BCL6: variants seen among roughly 807,000 people sequenced by gnomAD.
The protein encoded by BCL6 is BCL6 transcription repressor.
BCL6 carries 7 observed loss-of-function variants against 59.5 expected under a neutral mutation model. The ratio of observed to expected loss-of-function variants is 0.12; its 90% CI spans 0.07 to 0.22. BCL6 has a LOEUF of 0.22. BCL6 is among the 10% of genes least tolerant of loss of function. The probability of loss-of-function intolerance (pLI) is 1.00; values close to 1 mark genes in which losing one functional copy is unlikely to be tolerated. For missense variants in BCL6, 685 were observed against 939.4 expected, an observed-to-expected ratio of 0.73 and a Z score of 3.54; for synonymous variants, 339 against 349.7, an observed-to-expected ratio of 0.97 and a Z score of 0.34.
chr3:187,724,916 G>A lies in BCL6; in HGVS notation c.1977+25C>T, dbSNP rs544868439. On this transcript the variant is annotated intron_variant, in intron 9 of 9. Coordinates refer to ENST00000406870, the MANE Select transcript of BCL6 (RefSeq NM_001706.5). ...GCCCTCCACATCCCCGCAGGTCAGAGAGCGGCCTCAAGAGGCTTACGTACA... is the reference window on the plus strand; with the variant it reads ...GCCCTCCACATCCCCGCAGGTCAGAAAGCGGCCTCAAGAGGCTTACGTACA... 4 of 1,601,550 alleles carry A rather than the reference G, an allele frequency of 2.5e-6. No individual in the cohort carries two copies. In the African/African-American group the frequency reaches 4.1e-5, roughly 16 times the overall value.
rs1205005814 is a variant in BCL6 at position 187,725,691 on chromosome 3, G to C, written c.1709-62C>G. The C allele has an allele frequency of 1.3e-6, 2 of 1,596,496 alleles. No individual in the cohort carries two copies. The highest frequency in any genetic ancestry group is 1.7e-6 in the Non-Finnish European group (2 of 1,169,370). On this transcript the variant is annotated intron_variant, in intron 7 of 9. Coordinates refer to ENST00000406870, the MANE Select transcript of BCL6 (RefSeq NM_001706.5). The surrounding 1 kb of genome is among the most constrained non-coding windows in gnomAD (Gnocchi z 4.7). The stretch of plus-strand genomic sequence containing the variant: ...TCAATAAGGAAGGTCTCTGCAGTCC[G>C]TGGCTCCTGGATTTCTAAGCAGCCT...
At position 187,725,451 on chromosome 3, in the gene BCL6, CCCG is replaced by C. The variant is rs1560147404; in HGVS notation, c.1839+45_1839+47del. On this transcript the variant is annotated intron_variant, in intron 8 of 9. Coordinates refer to ENST00000406870, the MANE Select transcript of BCL6 (RefSeq NM_001706.5). This position sits in a 1 kb window ranked among gnomAD's most constrained non-coding sequence, Gnocchi z 4.7. ...GCCTGCCCACTCCTCCGCTCGCCTGCCCGCTCCGCTCGCCTGCCCGCTCCGCTC... is the reference window on the plus strand; with the variant it reads ...GCCTGCCCACTCCTCCGCTCGCCTGCCTCCGCTCGCCTGCCCGCTCCGCTC... The C allele has an allele frequency of 1.0e-5, 16 of 1,550,270 alleles. No individual in the cohort carries two copies. The highest frequency in any genetic ancestry group is 9.2e-5 in the African/African-American group (5 of 54,462).
intron 4 of BCL6, among the ~76,000 whole-genome samples, chr3:187,731,024 A>G (rs917974559): frequency 2.0e-5 from 3 of 152,182 alleles, no homozygotes; most frequent in African/African-American, 4.8e-5. Context: ...AAAAGGTTCT[A>G]AAGAAGTTAA....
intron 3 of BCL6, among the ~76,000 whole-genome samples, chr3:187,732,668 A>G (rs1476751615): frequency 1.3e-5 from 2 of 152,274 alleles, no homozygotes; most frequent in African/African-American, 2.4e-5. Context: ...GCTTCTCTGC[A>G]TCTTGCTTTA....
rs1301903669 is a variant in BCL6, at chr3:187,722,368, C to T, written c.*90G>A. The T allele has an allele frequency of 2.4e-5, 26 of 1,098,206 alleles. No homozygotes were observed. In the East Asian group the frequency reaches 2.1e-3, roughly 88 times the overall value. 68.0% of individuals were successfully genotyped at this position (1,098,206 alleles called of 1,614,324 possible). A position where few individuals can be genotyped will look rare whatever the true frequency, so the allele number is the denominator to read the frequency against. On this transcript the variant is annotated 3_prime_UTR_variant, in exon 10 of 10. Transcript: ENST00000406870. ...GCACTAGTGGATGAAAGAGGCACTA[C>T]ATCATGGGATGAACATTGTAAAGTG...
In BCL6 at chr3:187,733,698, T is replaced by C. The variant is rs1719153191; in HGVS notation, c.-5A>G. 1 of 1,613,974 alleles carries C rather than the reference T, an allele frequency of 6.2e-7. No individual in the cohort carries two copies. The highest frequency in any genetic ancestry group is 2.2e-5 in the East Asian group (1 of 44,870). On this transcript the variant is annotated 5_prime_UTR_variant, in exon 3 of 10. Coordinates refer to ENST00000406870, the MANE Select transcript of BCL6 (RefSeq NM_001706.5). ...GCTGTCAGCCGGCGAGGCCATTTTG[T>C]CTTCACTTGAAAAAAGAGGCCAAAA...
At chr3:187,740,390 T>C (rs914954110) in intron 1 of BCL6, among the ~76,000 whole-genome samples, 2 of 152,030 alleles carry the variant, frequency 1.3e-5, no homozygotes, top group East Asian at 3.9e-4. Flanking sequence ...CCCACACCCT[T>C]CAGCACCATC....
chr3:187,727,773 C>G (rs1239007889), intron 6 of BCL6, among the ~76,000 whole-genome samples: 1 of 152,212 alleles, frequency 6.6e-6, no homozygotes, highest in Non-Finnish European at 1.5e-5. Context: ...CTACTGGGCT[C>G]TATTACTGTA....
chr3:187,734,138 T>G (rs1167837540), intron 2 of BCL6, among the ~76,000 whole-genome samples: 2 of 152,196 alleles, frequency 1.3e-5, no homozygotes, highest in African/African-American at 4.8e-5. Flanking sequence ...CTTCCCAGGT[T>G]CAAGTGATTC....
chr3:187,734,033 G>GT, intron 2 of BCL6, among the ~76,000 whole-genome samples: 1 of 152,222 alleles, frequency 6.6e-6, no homozygotes, highest in East Asian at 1.9e-4. Flanking sequence ...GAGACACCGT[G>GT]TTTTTTGTTT....
In BCL6 at chr3:187,725,065, C is replaced by T. The variant is rs766041104; in HGVS notation, c.1853G>A (p.Arg618His). ...ACCAGTGTGGATAAGCACATGGGCA[C>T]GGAGGTGGGCCACCTGAACGAAGAA... Reference protein sequence around the residue: ...GARFVQVAHLRAHVLIHTGEK... With the variant: ...GARFVQVAHLHAHVLIHTGEK... The change falls in exon 9 of 10, where the codon CGT becomes CAT. Residue 618 changes from arginine (R) to histidine (H), a missense_variant. Transcript: ENST00000406870. The surrounding 1 kb of genome is among the most constrained non-coding windows in gnomAD (Gnocchi z 4.7). 4 of 1,613,960 alleles carry T rather than the reference C, an allele frequency of 2.5e-6. No individual in the cohort carries two copies. The highest frequency in any genetic ancestry group is 2.5e-6 in the Non-Finnish European group (3 of 1,180,022).
Position 187,733,525 on chromosome 3 carries a change from T to C in BCL6, c.161+8A>G. 6.2e-7 allele frequency: 1 copy of C among 1,611,934 alleles called. No homozygotes were observed. Among genetic ancestry groups the C allele is most frequent in the Non-Finnish European group, 8.5e-7 (1 of 1,178,374 alleles). On this transcript the variant is annotated splice_region_variant and intron_variant, in intron 3 of 9. Coordinates refer to ENST00000406870, the MANE Select transcript of BCL6 (RefSeq NM_001706.5). ...GACTTACCCACCCTTTCCTTTCAGA[T>C]CCCTCACCTGCAGGCCATGAGGACC...
chr3:187,722,453 A>G lies in BCL6; in HGVS notation c.*5T>C. 6.2e-7 allele frequency: 1 copy of G among 1,611,534 alleles called. No individual in the cohort carries two copies. The highest frequency in any genetic ancestry group is 8.5e-7 in the Non-Finnish European group (1 of 1,179,268). On this transcript the variant is annotated 3_prime_UTR_variant, in exon 10 of 10. Coordinates refer to ENST00000406870, the MANE Select transcript of BCL6 (RefSeq NM_001706.5). ...CTGGAGACGAAAGCATCAACACTCC[A>G]TGCTTCAGCAGGCTTTGGGGAGCTC...
chr3:187,731,660 G>A (rs751208990), intron 4 of BCL6, 49 bp downstream of exon 4: 93 of 1,569,372 alleles, frequency 5.9e-5, no homozygotes, highest in Non-Finnish European at 5.3e-5. Context: ...GTTTCTGATC[G>A]GGGACTATCT....
Position 187,722,398 on chromosome 3 carries a change from A to C in BCL6, c.*60T>G. ...TGGGATGAACATTGTAAAGTGTTAC[A>C]GTATCCTTTGGGTAGATTCTGAGAA... is the stretch of plus-strand genomic sequence containing the variant. On this transcript the variant is annotated 3_prime_UTR_variant, in exon 10 of 10. Coordinates refer to ENST00000406870, the MANE Select transcript of BCL6 (RefSeq NM_001706.5). 6.5e-7 allele frequency: 1 copy of C among 1,547,368 alleles called. No homozygotes were observed. The highest frequency in any genetic ancestry group is 8.8e-7 in the Non-Finnish European group (1 of 1,142,786).
At chr3:187,730,048 A>C (rs778002082) in intron 4 of BCL6, 27 bp from the exon 5 acceptor site, 119 of 1,525,554 alleles carry the variant, frequency 7.8e-5, no homozygotes, top group Non-Finnish European at 1.0e-4. Context: ...GAGGAAAGAC[A>C]CCGGCCCCAA....
intron 4 of BCL6, among the ~76,000 whole-genome samples, chr3:187,730,698 G>A (rs917774761): frequency 1.3e-5 from 2 of 152,198 alleles, no homozygotes; most frequent in Admixed American, 1.3e-4. Flanking sequence ...CTGAGCCACT[G>A]AAAGTACTTG....
intron 1 of BCL6, among the ~76,000 whole-genome samples, chr3:187,744,616 T>C (rs1711799604): frequency 2.6e-5 from 4 of 152,110 alleles, no homozygotes; most frequent in South Asian, 4.2e-4. Context: ...CGCTTGCATT[T>C]TTTCCTTCCA....
At chr3:187,744,686 A>T (rs1576885378) in intron 1 of BCL6, among the ~76,000 whole-genome samples, 1 of 152,268 alleles carries the variant, frequency 6.6e-6, no homozygotes, top group African/African-American at 2.4e-5. Flanking sequence ...GAAGAGAGCC[A>T]GCGGGGCGAG....
Sources: allele counts gnomAD v4.1 joint callset (sites outside exome capture counted in the v4.1 genomes callset), GRCh38; gene constraint gnomAD v4.1.1; non-coding constraint Gnocchi (gnomAD v3.1); transcripts MANE v1.5; gene names NCBI Gene and HGNC (gene_info 2026-07-23, HGNC 2026-07-21).